APLP2: variants seen among roughly 807,000 people sequenced by gnomAD.
APLP2 encodes the protein CDEI box-binding protein.
APLP2 carries 53 observed loss-of-function variants against 89.9 expected under a neutral mutation model. The ratio of observed to expected loss-of-function variants is 0.59; its 90% CI spans 0.47 to 0.74. The LOEUF is 0.74. APLP2 is among the 30% of genes least tolerant of loss of function. The pLI is 0.00. For missense variants in APLP2, 973 were observed against 975.9 expected, an observed-to-expected ratio of 1.00 and a Z score of 0.04; for synonymous variants, 372 against 348.6, an observed-to-expected ratio of 1.07 and a Z score of -0.75.
At position 130,126,698 on chromosome 11, in the gene APLP2, A is replaced by G; in HGVS notation, c.1091-2A>G. The G allele has an allele frequency of 6.2e-7, 1 of 1,613,696 alleles. No homozygotes were observed. Among genetic ancestry groups the G allele is most frequent in the East Asian group, 2.2e-5 (1 of 44,870 alleles). On this transcript the variant is annotated splice_acceptor_variant, in intron 7 of 16. Transcript: ENST00000338167. LOFTEE classifies it high-confidence loss of function. ...AGAACTCCCTCTGTAATTTTGTTTC[A>G]GTTCCTCCAACTCCTCTGCCAACCA...
At chr11:130,125,641 T>C (rs3758817) in intron 7 of APLP2, among the ~76,000 whole-genome samples, 30,428 of 152,174 alleles carry the variant, frequency 0.2, 6,099 homozygotes, top group African/African-American at 0.52. Context: ...ATCAATTATA[T>C]GGTTGTTTTA....
At position 130,135,718 on chromosome 11, in the gene APLP2, G is replaced by A. The variant is rs754136773; in HGVS notation, c.1837+3G>A. On this transcript the variant is annotated splice_donor_region_variant and intron_variant, in intron 13 of 16. Coordinates refer to ENST00000338167, the MANE Select transcript of APLP2 (RefSeq NM_001142276.2). The stretch of plus-strand genomic sequence containing the variant: ...CCCAGCCCTACCTGAGAACGAAGGT[G>A]TGTATGGGCGACGGTGCCACTTCTG... The A allele has an allele frequency of 1.2e-6, 2 of 1,613,888 alleles. No homozygotes were observed. The highest frequency in any genetic ancestry group is 1.1e-5 in the South Asian group (1 of 91,068).
chr11:130,073,723 C>T (rs1435501406), intron 1 of APLP2, among the ~76,000 whole-genome samples: 2 of 152,102 alleles, frequency 1.3e-5, no homozygotes, highest in Non-Finnish European at 2.9e-5. Flanking sequence ...CGCCTGTAAT[C>T]CCAGCTACTC....
At chr11:130,086,536 T>A (rs1944151283) in intron 1 of APLP2, among the ~76,000 whole-genome samples, 3 of 152,250 alleles carry the variant, frequency 2.0e-5, no homozygotes, top group Admixed American at 2.0e-4. Flanking sequence ...CCAGTTTATC[T>A]ATTTTTTTCT....
intron 11 of APLP2, 45 bp downstream of exon 11, chr11:130,130,211 G>A (rs751285376): frequency 7.3e-5 from 118 of 1,613,544 alleles, no homozygotes; most frequent in Non-Finnish European, 9.5e-5. Flanking sequence ...GGCATTTCCA[G>A]TGGGGAACAT....
chr11:130,090,012 A>G (rs1020428298), intron 1 of APLP2, among the ~76,000 whole-genome samples: 1 of 152,204 alleles, frequency 6.6e-6, no homozygotes, highest in Non-Finnish European at 1.5e-5. Flanking sequence ...GCCCTATTCA[A>G]CCTATAAGAC....
In APLP2 at chr11:130,130,515, G is replaced by GT. The variant is rs368149900; in HGVS notation, c.1584+350dup. On this transcript the variant is annotated intron_variant, in intron 11 of 16. Transcript: ENST00000338167. ...AAAAATTGGTCTCTTGTTTTGTGCA[G>GT]TATAGTTTTTGTTTAGACAGACACT... 3.4e-3 allele frequency among the ~76,000 whole-genome samples: 524 copies of GT among 152,310 alleles called. 1 individual carries two copies. Among genetic ancestry groups the GT allele is most frequent in the African/African-American group, 0.012 (501 of 41,572 alleles).
At chr11:130,129,229 C>T in intron 10 of APLP2, 23 bp downstream of exon 10, 1 of 1,602,452 alleles carries the variant, frequency 6.2e-7, no homozygotes, top group Non-Finnish European at 8.5e-7. Context: ...CCTAGCACTG[C>T]CTGCCCTGAG....
At chr11:130,128,030 C>T (rs558136962) in intron 9 of APLP2, among the ~76,000 whole-genome samples, 190 bp downstream of exon 9, 20 of 152,308 alleles carry the variant, frequency 1.3e-4, no homozygotes, top group African/African-American at 4.3e-4. Flanking sequence ...GAAACCAAAC[C>T]CCCACCAGAG....
intron 1 of APLP2, chr11:130,070,601 C>T (rs1446355631): frequency 5.2e-6 from 7 of 1,355,028 alleles, no homozygotes; most frequent in South Asian, 1.7e-5. Flanking sequence ...CCGGCCTTCG[C>T]GCGCGGCAGG....
intron 13 of APLP2, among the ~76,000 whole-genome samples, chr11:130,137,994 G>T (rs1951833630): frequency 6.6e-6 from 1 of 152,220 alleles, no homozygotes; most frequent in South Asian, 2.1e-4. Flanking sequence ...AATTGAAGAA[G>T]TTTCTGAGAT....
At chr11:130,133,871 G>A (rs1026344718) in intron 12 of APLP2, 143 bp downstream of exon 12, 2 of 635,352 alleles carry the variant, frequency 3.1e-6, no homozygotes, top group Admixed American at 2.7e-5. Flanking sequence ...GAAGCCTGGA[G>A]TCCACTGGAG....
intron 1 of APLP2, chr11:130,070,709 T>A: frequency 6.8e-7 from 1 of 1,477,768 alleles, no homozygotes; most frequent in Non-Finnish European, 8.9e-7. Context: ...TAAGTGGCGC[T>A]GTTTGCCTGC....
Position 130,142,001 on chromosome 11 carries a change from C to G in APLP2, c.2081C>G (p.Ala694Gly). The change falls in exon 16 of 17, where the codon GCC becomes GGC. Residue 694 changes from alanine to glycine, a missense_variant. Transcript: ENST00000338167. ...IGLLVIAVAI[A>G]TVIVISLVML... ...CTGCTGGTCATCGCAGTGGCCATTG[C>G]CACGGTCATCGTCATCAGCCTGGTG... 2 of 1,614,052 alleles carry G rather than the reference C, an allele frequency of 1.2e-6. No individual in the cohort carries two copies. The highest frequency in any genetic ancestry group is 1.7e-6 in the Non-Finnish European group (2 of 1,180,004).
intron 1 of APLP2, among the ~76,000 whole-genome samples, chr11:130,099,007 C>G (rs1279579311): frequency 2.0e-5 from 3 of 152,152 alleles, no homozygotes; most frequent in Non-Finnish European, 2.9e-5. Flanking sequence ...TACATCCCCC[C>G]ACCCCTGCTC....
In APLP2 at chr11:130,141,640, A is replaced by C; in HGVS notation, c.1998+68A>C. ...AGGTATTTCTCCTCTGGACCTTCTC[A>C]GTTCAAGTAGAAAACGGGAGAGATG... On this transcript the variant is annotated intron_variant, in intron 15 of 16. Transcript: ENST00000338167. This position sits in a 1 kb window ranked among gnomAD's most constrained non-coding sequence, Gnocchi z 4.2. 3.6e-5 allele frequency: 50 copies of C among 1,405,852 alleles called. No homozygotes were observed. Among genetic ancestry groups the C allele is most frequent in the Non-Finnish European group, 4.8e-5 (48 of 997,920 alleles). The allele number at this position is 1,405,852 out of a possible 1,614,324, so 87.1% of individuals were successfully genotyped here.
intron 1 of APLP2, among the ~76,000 whole-genome samples, chr11:130,077,892 C>T (rs1833610076): frequency 6.6e-6 from 1 of 152,152 alleles, no homozygotes; most frequent in South Asian, 2.1e-4. Flanking sequence ...GCCACCCTTG[C>T]TGCTTCTACC....
In APLP2 at chr11:130,109,289, G is replaced by A. The variant is rs941576783; in HGVS notation, c.106-140G>A. On this transcript the variant is annotated intron_variant, in intron 1 of 16. Transcript: ENST00000338167. ...CTTTTTATTCTGTTCTAGCTCCTGG[G>A]AAAAGGATTTGTTTGTGAAGATACA... 15 of 753,776 alleles carry A rather than the reference G, an allele frequency of 2.0e-5. No individual in the cohort carries two copies. The Admixed American group carries it at 5.5e-4, about 28-fold the overall frequency. 46.7% of individuals were successfully genotyped at this position (753,776 alleles called of 1,614,324 possible).
At chr11:130,124,467 A>G (rs1198171831) in intron 7 of APLP2, among the ~76,000 whole-genome samples, 1 of 152,048 alleles carries the variant, frequency 6.6e-6, no homozygotes, top group Non-Finnish European at 1.5e-5. Context: ...ACGTTGGTAG[A>G]AAGAGTTTCT....
Sources: gnomAD v4.1 joint callset for allele counts (sites outside exome capture counted in the v4.1 genomes callset) on GRCh38, gnomAD v4.1.1 for gene constraint, Gnocchi (gnomAD v3.1) non-coding constraint, MANE v1.5 for transcripts, NCBI Gene and HGNC (gene_info 2026-07-23, HGNC 2026-07-21) for gene names.